KLF12: variants seen among roughly 807,000 people sequenced by gnomAD.
The protein encoded by KLF12 is KLF transcription factor 12.
A neutral mutation model predicts 37.8 loss-of-function variants in KLF12; 9 were observed. That is an observed-to-expected ratio of 0.24 (90% confidence interval 0.14 to 0.42). KLF12 has a LOEUF of 0.42. Ranked by LOEUF, KLF12 falls within the 10% of genes least tolerant of loss-of-function variation. The pLI is 1.00. For missense variants in KLF12, 411 were observed against 516.0 expected (o/e 0.80, Z 1.97); for synonymous variants, 208 against 202.1 (o/e 1.03, Z -0.25).
At chr13:73,868,327 T>TG (rs373936784) in intron 3 of KLF12, among the ~76,000 whole-genome samples, 7,325 of 35,696 alleles carry the variant, frequency 0.21, 1,048 homozygotes, top group Non-Finnish European at 0.24. Context: ...GCGGGGGCGG[T>TG]GGGGGGGGGG....
intron 6 of KLF12, among the ~76,000 whole-genome samples, chr13:73,718,987 G>A (rs965593630): frequency 1.2e-4 from 19 of 152,150 alleles, no homozygotes; most frequent in African/African-American, 1.9e-4. Context: ...AAGGATATAC[G>A]CAATGAATAG....
At chr13:74,040,068 A>G (rs373828138) in intron 1 of KLF12, among the ~76,000 whole-genome samples, 5 of 152,264 alleles carry the variant, frequency 3.3e-5, no homozygotes, top group African/African-American at 1.2e-4. Flanking sequence ...TCACATATAT[A>G]GGACCCTTTC....
At chr13:74,066,815 C>T (rs370471657) in intron 1 of KLF12, among the ~76,000 whole-genome samples, 5 of 152,074 alleles carry the variant, frequency 3.3e-5, no homozygotes, top group African/African-American at 9.7e-5. Context: ...CTCTGGCCTT[C>T]GAAGGGAGCT....
chr13:74,090,658 G>A (rs1566207416), intron 1 of KLF12, among the ~76,000 whole-genome samples: 1 of 151,964 alleles, frequency 6.6e-6, no homozygotes, highest in Non-Finnish European at 1.5e-5. Flanking sequence ...CTTTGATAAA[G>A]TATCTCTTGA....
chr13:74,263,784 T>G, the KLF12 span, among the ~76,000 whole-genome samples: 3 of 152,190 alleles, frequency 2.0e-5, no homozygotes, highest in East Asian at 1.9e-4. Context: ...CCACCTCAGG[T>G]CTGGTCATAT....
At chr13:74,284,280 A>G in the KLF12 span, among the ~76,000 whole-genome samples, 1 of 152,144 alleles carries the variant, frequency 6.6e-6, no homozygotes, top group Non-Finnish European at 1.5e-5. Context: ...AGGCCTTTTA[A>G]TCTTAGAGAG....
intron 3 of KLF12, among the ~76,000 whole-genome samples, chr13:73,908,371 C>G (rs112281094): frequency 0.05 from 7,308 of 146,934 alleles, 439 homozygotes; most frequent in African/African-American, 0.14. Context: ...CACTGCACTC[C>G]AGCCTGGGTG....
chr13:74,237,836 T>C, the KLF12 span, among the ~76,000 whole-genome samples: 970 of 152,368 alleles, frequency 6.4e-3, 2 homozygotes, highest in Non-Finnish European at 0.011. Context: ...AAGGAGATTT[T>C]GGGCTGAGAC....
intron 3 of KLF12, among the ~76,000 whole-genome samples, chr13:73,926,254 T>C (rs1022007609): frequency 2.0e-5 from 3 of 152,050 alleles, no homozygotes; most frequent in African/African-American, 4.8e-5. Flanking sequence ...TTTTAGGAAA[T>C]TGCCACAGCC....
the KLF12 span, among the ~76,000 whole-genome samples, chr13:74,155,809 C>A: frequency 1.4e-4 from 22 of 152,236 alleles, no homozygotes; most frequent in African/African-American, 5.3e-4. Context: ...TCGGGATAAT[C>A]TGTGTTGAGA....
intron 2 of KLF12, among the ~76,000 whole-genome samples, chr13:73,984,963 G>A (rs902904468): frequency 2.6e-5 from 4 of 152,298 alleles, no homozygotes; most frequent in African/African-American, 9.6e-5. Flanking sequence ...TCACCTGGAT[G>A]AACAGAATAT....
At chr13:74,189,243 G>A in the KLF12 span, among the ~76,000 whole-genome samples, 1 of 152,040 alleles carries the variant, frequency 6.6e-6, no homozygotes, top group Non-Finnish European at 1.5e-5. Context: ...AGTACATAGA[G>A]GAATTATAGA....
At position 73,692,616 on chromosome 13, in the gene KLF12, A is replaced by G. The variant is rs1873882238; in HGVS notation, c.*2874T>C. ...CATGAGATGAAATGGAGGCTCTTCC[A>G]TGACTGAAGACATTCCATTTCTTTC... On this transcript the variant is annotated 3_prime_UTR_variant, in exon 8 of 8. Transcript: ENST00000377669. 1 of 152,678 alleles carries G rather than the reference A, an allele frequency of 6.5e-6. No individual in the cohort carries two copies. Among genetic ancestry groups the G allele is most frequent in the African/African-American group, 2.4e-5 (1 of 41,474 alleles). 9.5% of individuals were successfully genotyped at this position (152,678 alleles called of 1,614,324 possible). A position where few individuals can be genotyped will look rare whatever the true frequency, so the allele number is the denominator to read the frequency against.
the KLF12 span, among the ~76,000 whole-genome samples, chr13:74,205,148 G>T: frequency 6.6e-6 from 1 of 152,046 alleles, no homozygotes; most frequent in Non-Finnish European, 1.5e-5. Flanking sequence ...GGTCATCTAC[G>T]TTAGCTAGAG....
At chr13:74,262,271 T>C in the KLF12 span, among the ~76,000 whole-genome samples, 1 of 152,240 alleles carries the variant, frequency 6.6e-6, no homozygotes, top group Non-Finnish European at 1.5e-5. Context: ...TCACTCATAA[T>C]TGTAGCTGTA....
intron 1 of KLF12, among the ~76,000 whole-genome samples, chr13:74,047,586 G>A (rs1893580484): frequency 7.9e-6 from 1 of 127,192 alleles, no homozygotes; most frequent in Non-Finnish European, 1.6e-5. Context: ...GACATAATGA[G>A]ACTCCATCTC....
At chr13:74,174,160 A>G in the KLF12 span, among the ~76,000 whole-genome samples, 11 of 152,304 alleles carry the variant, frequency 7.2e-5, no homozygotes, top group African/African-American at 2.2e-4. Flanking sequence ...GGCAATACCC[A>G]TAATCCAATC....
chr13:73,714,404 C>T (rs941155759), intron 7 of KLF12, among the ~76,000 whole-genome samples: 1 of 152,202 alleles, frequency 6.6e-6, no homozygotes, highest in Non-Finnish European at 1.5e-5. Context: ...GTTCTTTTCA[C>T]ATGTCTGAGA....
chr13:74,280,705 C>A, the KLF12 span, among the ~76,000 whole-genome samples: 4 of 152,304 alleles, frequency 2.6e-5, no homozygotes, highest in South Asian at 8.3e-4. Context: ...TTTGGTTTTC[C>A]ACCACCCTGT....
Sources: allele counts gnomAD v4.1 joint callset (sites outside exome capture counted in the v4.1 genomes callset), GRCh38; gene constraint gnomAD v4.1.1; transcripts MANE v1.5; gene names NCBI Gene and HGNC (gene_info 2026-07-23, HGNC 2026-07-21).